NBAS: variants seen among roughly 807,000 people sequenced by gnomAD.
NBAS encodes the protein NAG/BC035112 fusion.
NBAS carries 219 observed loss-of-function variants against 302.5 expected under a neutral mutation model. The ratio of observed to expected loss-of-function variants is 0.72; its 90% confidence interval spans 0.65 to 0.81. The LOEUF (loss-of-function observed/expected upper bound fraction) is 0.81, where lower values mean the gene tolerates loss of function less well. Among genes scored for constraint, NBAS ranks in the 30% least tolerant of loss-of-function variants. NBAS has a pLI of 0.00. For missense variants in NBAS, 2,932 were observed against 2,841.6 expected (o/e 1.03, Z -0.72); for synonymous variants, 1,118 against 1,021.6 (o/e 1.09, Z -1.80).
chr2:15,280,233 T>C (rs1032237045), intron 42 of NBAS, among the ~76,000 whole-genome samples: 2 of 152,182 alleles, frequency 1.3e-5, no homozygotes, highest in African/African-American at 4.8e-5. Flanking sequence ...AGGACTTTTA[T>C]TTGTGTAAGA....
the NBAS span, among the ~76,000 whole-genome samples, chr2:15,051,970 G>A: frequency 5.3e-5 from 8 of 151,812 alleles, no homozygotes; most frequent in Non-Finnish European, 1.2e-4. Flanking sequence ...GGTTGCAAGT[G>A]TTCTCTCTTC....
At chr2:15,160,373 T>C in the NBAS span, among the ~76,000 whole-genome samples, 1 of 152,122 alleles carries the variant, frequency 6.6e-6, no homozygotes, top group African/African-American at 2.4e-5. Context: ...CAAAGATGCT[T>C]GAGCAAGATC....
In NBAS at chr2:15,488,764, A is replaced by G. The variant is rs986511375; in HGVS notation, c.1083+130T>C. ...TCCCACTGTACTGATATCATAATTT[A>G]AAGGATAGAAGAGCTTTGGAACGAT... On this transcript the variant is annotated intron_variant, in intron 12 of 51. Transcript: ENST00000281513. 56 of 1,203,634 alleles carry G rather than the reference A, an allele frequency of 4.7e-5. No individual in the cohort carries two copies. In the Admixed American group the frequency reaches 1.0e-3, roughly 22 times the overall value. 74.6% of individuals were successfully genotyped at this position (1,203,634 alleles called of 1,614,324 possible).
At chr2:14,824,745 T>C in the NBAS span, among the ~76,000 whole-genome samples, 10 of 151,946 alleles carry the variant, frequency 6.6e-5, no homozygotes, top group Non-Finnish European at 1.0e-4. Context: ...GGGAAAGCAG[T>C]GGGAGCTGGA....
intron 1 of NBAS, 115 bp downstream of exon 1, chr2:15,561,073 C>A: frequency 2.2e-6 from 2 of 909,394 alleles, no homozygotes; most frequent in South Asian, 1.3e-5. Flanking sequence ...ACAAGCCAAC[C>A]GGCCCTAGTC....
intron 35 of NBAS, among the ~76,000 whole-genome samples, chr2:15,344,646 T>A (rs1673005174): frequency 3.3e-5 from 5 of 152,144 alleles, no homozygotes; most frequent in Admixed American, 3.3e-4. Flanking sequence ...GAGGGACTCC[T>A]CCCTAACTCA....
In NBAS at chr2:15,501,214, T is replaced by C. The variant is rs1324441829; in HGVS notation, c.954+2931A>G. 2.0e-5 allele frequency among the ~76,000 whole-genome samples: 3 copies of C among 151,134 alleles called. No individual in the cohort carries two copies. In the South Asian group the frequency reaches 6.3e-4, roughly 32 times the overall value. On this transcript the variant is annotated intron_variant, in intron 11 of 51. Transcript: ENST00000281513. Reference sequence around the variant, plus strand: ...TACTCAGGAGGCTGAGACAGGAGAATGGTGTGAACCTGGCAGGTGGAGCTT... The same window carrying C: ...TACTCAGGAGGCTGAGACAGGAGAACGGTGTGAACCTGGCAGGTGGAGCTT...
At chr2:14,878,131 G>A in the NBAS span, among the ~76,000 whole-genome samples, 2 of 152,184 alleles carry the variant, frequency 1.3e-5, no homozygotes, top group African/African-American at 2.4e-5. Context: ...TTGCTGGCAA[G>A]TAATGCAACA....
the NBAS span, among the ~76,000 whole-genome samples, chr2:14,983,582 C>G: frequency 6.6e-6 from 1 of 152,144 alleles, no homozygotes; most frequent in Non-Finnish European, 1.5e-5. Context: ...AATTTCAGAA[C>G]ATTTTATCAA....
At chr2:15,452,952 T>G (rs1329791367) in intron 21 of NBAS, among the ~76,000 whole-genome samples, 1 of 152,198 alleles carries the variant, frequency 6.6e-6, no homozygotes, top group Non-Finnish European at 1.5e-5. Context: ...GAGATATGTG[T>G]TAGTCTTGTT....
At chr2:14,991,483 T>C in the NBAS span, among the ~76,000 whole-genome samples, 45 of 152,316 alleles carry the variant, frequency 3.0e-4, no homozygotes, top group East Asian at 8.3e-3. Flanking sequence ...AGCCTTTATT[T>C]TGAAGGTTGT....
intron 44 of NBAS, among the ~76,000 whole-genome samples, chr2:15,240,548 C>A (rs1667822488): frequency 6.6e-6 from 1 of 151,638 alleles, no homozygotes; most frequent in Non-Finnish European, 1.5e-5. Context: ...ACCCGGCAGG[C>A]GGAGGCTGCA....
intron 40 of NBAS, among the ~76,000 whole-genome samples, chr2:15,297,641 C>A (rs761596256): frequency 6.6e-6 from 1 of 152,204 alleles, no homozygotes; most frequent in African/African-American, 2.4e-5. Context: ...TCCTGTTAAG[C>A]CTGTGGAGCT....
chr2:15,418,037 TAA>T (rs895500613), intron 23 of NBAS, among the ~76,000 whole-genome samples: 1 of 152,280 alleles, frequency 6.6e-6, no homozygotes, highest in Admixed American at 6.5e-5. Flanking sequence ...ATTTACATAA[TAA>T]GAGAAAAAAC....
chr2:14,800,048 G>A, the NBAS span, among the ~76,000 whole-genome samples: 144 of 152,304 alleles, frequency 9.5e-4, no homozygotes, highest in Non-Finnish European at 1.6e-3. Context: ...CCACTAGCAT[G>A]TATGTGCTTA....
rs372603397 is a variant in NBAS at position 15,474,300 on chromosome 2, G to T, written c.1366C>A (p.Arg456=). The T allele has an allele frequency of 4.3e-6, 7 of 1,613,320 alleles. No homozygotes were observed. The highest frequency in any genetic ancestry group is 5.1e-6 in the Non-Finnish European group (6 of 1,179,666). The change falls in exon 15 of 52, where the codon CGA becomes AGA. Residue 456 remains arginine, a synonymous_variant. Coordinates refer to ENST00000281513, the MANE Select transcript of NBAS (RefSeq NM_015909.4). ...LECEIKLAPK[R]SRLETRAGEE... ...CCAGCTCTAGTCTCCAAACGAGATC[G>T]TTTGGGGGCAAGTTTAATCTCACAC... is the stretch of plus-strand genomic sequence containing the variant.
chr2:15,343,522 G>C (rs1278820212), intron 35 of NBAS, among the ~76,000 whole-genome samples: 1 of 152,042 alleles, frequency 6.6e-6, no homozygotes, highest in Non-Finnish European at 1.5e-5. Context: ...TGCCATCTTT[G>C]TGTGTACTAA....
At chr2:14,858,666 A>G in the NBAS span, among the ~76,000 whole-genome samples, 1 of 152,082 alleles carries the variant, frequency 6.6e-6, no homozygotes, top group South Asian at 2.1e-4. Context: ...GAGGATGGGA[A>G]GTGTAGTGGG....
At chr2:14,842,861 A>AAAAAAAAAAAAAC in the NBAS span, among the ~76,000 whole-genome samples, 1 of 145,950 alleles carries the variant, frequency 6.9e-6, no homozygotes, top group East Asian at 2.0e-4. Flanking sequence ...AAAAAAAAAA[A>AAAAAAAAAAAAAC]AAACATATAC....
Sources: allele counts gnomAD v4.1 joint callset (sites outside exome capture counted in the v4.1 genomes callset), GRCh38; gene constraint gnomAD v4.1.1; transcripts MANE v1.5; gene names NCBI Gene and HGNC (gene_info 2026-07-23, HGNC 2026-07-21).